Variants in FMN1 observed in about 807,000 individuals in gnomAD.
FMN1 encodes the protein formin 1, also known as formin-1.
A neutral mutation model predicts 132.4 loss-of-function variants in FMN1; 110 were observed. The observed-to-expected ratio is 0.83, with a 90% CI of 0.71 to 0.97. The LOEUF is 0.97. Among genes scored for constraint, FMN1 ranks in the 50% least tolerant of loss-of-function variants. FMN1 has a pLI of 0.00. For missense variants in FMN1, 1,792 were observed against 1,705.3 expected (o/e 1.05, Z -0.90); for synonymous variants, 722 against 651.7 (o/e 1.11, Z -1.64).
intron 15 of FMN1, among the ~76,000 whole-genome samples, chr15:32,890,138 T>C (rs1009423845): frequency 3.6e-5 from 5 of 137,216 alleles, no homozygotes; most frequent in African/African-American, 1.5e-4. Flanking sequence ...TTCGATTGTA[T>C]ATATATATAT....
At position 33,113,894 on chromosome 15, in the gene FMN1, C is replaced by CT. The variant is rs1167359775; in HGVS notation, c.1868-24921dup. On this transcript the variant is annotated intron_variant, in intron 4 of 20. Transcript: ENST00000616417. ...TGACTGGAAACTGCTTCTACTGTTCCTTTAATTAGCCTTAACGATGTTTTC... is the reference window on the plus strand; with the variant it reads ...TGACTGGAAACTGCTTCTACTGTTCCTTTTAATTAGCCTTAACGATGTTTTC... Among the ~76,000 whole-genome samples the CT allele has an allele frequency of 3.3e-5, 5 of 152,298 alleles. No homozygotes were observed. In the East Asian group the frequency reaches 9.6e-4, roughly 29 times the overall value.
rs568603617 is a variant in FMN1, at chr15:32,937,553, T to C, written c.3139-11292A>G. ...TTTCTATTCCACCATCTTGATGACA[T>C]TACCTCCCCCTTTCCCACTTTTAGT... On this transcript the variant is annotated intron_variant, in intron 9 of 20. Coordinates refer to ENST00000616417, the MANE Select transcript of FMN1 (RefSeq NM_001277313.2). Among the ~76,000 whole-genome samples, 8 of 152,350 alleles carry C rather than the reference T, an allele frequency of 5.3e-5. No homozygotes were observed. The South Asian group carries it at 1.7e-3, about 32-fold the overall frequency.
intron 18 of FMN1, among the ~76,000 whole-genome samples, chr15:32,799,973 T>TG (rs1349078129): frequency 6.7e-6 from 1 of 148,972 alleles, no homozygotes; most frequent in East Asian, 1.9e-4. Context: ...GACACAGTGG[T>TG]TTTTTTTTTG....
Position 33,160,684 on chromosome 15 carries a change from C to T in FMN1, c.-131-5639G>A, listed in dbSNP as rs147398928. Among the ~76,000 whole-genome samples the T allele has an allele frequency of 2.0e-3, 306 of 152,250 alleles. 3 individuals are homozygous for T. The highest frequency in any genetic ancestry group is 6.8e-3 in the Middle Eastern group (2 of 294). On this transcript the variant is annotated intron_variant, in intron 3 of 20. Coordinates refer to ENST00000616417, the MANE Select transcript of FMN1 (RefSeq NM_001277313.2). Reference sequence around the variant, plus strand: ...TCATTCTACTTGGACTCAAATGCAGCGGCTCTGCAGAGGCACACACTAAAT... The same window carrying T: ...TCATTCTACTTGGACTCAAATGCAGTGGCTCTGCAGAGGCACACACTAAAT...
At chr15:32,841,583 A>C (rs1337968392) in intron 17 of FMN1, among the ~76,000 whole-genome samples, 3 of 152,208 alleles carry the variant, frequency 2.0e-5, no homozygotes, top group African/African-American at 7.2e-5. Flanking sequence ...CTTTATATTA[A>C]AGTCCTAGGA....
chr15:33,124,997 A>T (rs1364020952), intron 4 of FMN1, among the ~76,000 whole-genome samples: 2 of 152,144 alleles, frequency 1.3e-5, no homozygotes, highest in African/African-American at 4.8e-5. Flanking sequence ...ATATTCCTGG[A>T]ATGTATAAAA....
At chr15:32,855,157 TAAAAAAAAA>T (rs750275479) in intron 17 of FMN1, among the ~76,000 whole-genome samples, 2 of 85,508 alleles carry the variant, frequency 2.3e-5, no homozygotes, top group Admixed American at 1.4e-4. Flanking sequence ...ACGTGGAGAG[TAAAAAAAAA>T]AAAAAAAAAA....
intron 4 of FMN1, among the ~76,000 whole-genome samples, chr15:33,091,611 A>G (rs1400112431): frequency 2.0e-5 from 3 of 152,246 alleles, no homozygotes; most frequent in African/African-American, 7.2e-5. Context: ...CATTATTCTC[A>G]AAAGTCTGAC....
At chr15:32,943,335 T>C (rs750294413) in intron 9 of FMN1, among the ~76,000 whole-genome samples, 9 of 152,206 alleles carry the variant, frequency 5.9e-5, no homozygotes, top group Non-Finnish European at 1.0e-4. Context: ...TTCTAAAAAA[T>C]ACAACTTCTA....
intron 6 of FMN1, chr15:33,012,819 A>T (rs2034806987): frequency 2.6e-5 from 17 of 647,732 alleles, no homozygotes; most frequent in South Asian, 2.2e-4. Context: ...GTGGTGGTGG[A>T]GGATATGGTA....
chr15:32,954,901 A>G (rs984847461), intron 9 of FMN1, among the ~76,000 whole-genome samples: 1 of 152,194 alleles, frequency 6.6e-6, no homozygotes, highest in African/African-American at 2.4e-5. Flanking sequence ...GCTACTCTGG[A>G]GGCTGAGGCA....
At chr15:33,144,515 T>G (rs1396444992) in intron 4 of FMN1, among the ~76,000 whole-genome samples, 3 of 151,468 alleles carry the variant, frequency 2.0e-5, no homozygotes, top group Non-Finnish European at 4.4e-5. Context: ...CAGGTGCCTG[T>G]AGTCCCAGGC....
At chr15:33,061,522 C>T (rs117123175) in intron 6 of FMN1, among the ~76,000 whole-genome samples, 2 of 151,962 alleles carry the variant, frequency 1.3e-5, no homozygotes, top group Non-Finnish European at 2.9e-5. Flanking sequence ...ACACGCTCCT[C>T]GTGAAGTTAC....
intron 17 of FMN1, among the ~76,000 whole-genome samples, chr15:32,810,686 G>A (rs1305453986): frequency 6.6e-6 from 1 of 152,172 alleles, no homozygotes; most frequent in Non-Finnish European, 1.5e-5. Flanking sequence ...TGAAGGAGGA[G>A]GCCACTCTTT....
At chr15:32,801,601 C>T (rs2140991952) in intron 18 of FMN1, among the ~76,000 whole-genome samples, 1 of 151,830 alleles carries the variant, frequency 6.6e-6, no homozygotes, top group Non-Finnish European at 1.5e-5. Context: ...CCCATCTCTA[C>T]TAAAAACAAA....
At chr15:33,005,606 GAATTAA>G (rs771199251) in intron 7 of FMN1, among the ~76,000 whole-genome samples, 3 of 152,106 alleles carry the variant, frequency 2.0e-5, no homozygotes, top group Non-Finnish European at 2.9e-5. Context: ...CACACAGCAA[GAATTAA>G]AAAACTGTAA....
intron 15 of FMN1, among the ~76,000 whole-genome samples, chr15:32,889,220 C>T (rs1443019982): frequency 6.6e-6 from 1 of 152,210 alleles, no homozygotes; most frequent in African/African-American, 2.4e-5. Flanking sequence ...ACTGCTATAG[C>T]TAATGGAGAA....
At chr15:32,832,911 G>T (rs145753274) in intron 17 of FMN1, among the ~76,000 whole-genome samples, 6 of 152,166 alleles carry the variant, frequency 3.9e-5, no homozygotes, top group African/African-American at 1.4e-4. Context: ...ATGTTGTTTT[G>T]TGAGAGGTAG....
In FMN1 at chr15:32,770,520, T is replaced by C. The variant is rs2056197723; in HGVS notation, c.*3790A>G. On this transcript the variant is annotated 3_prime_UTR_variant, in exon 21 of 21. Transcript: ENST00000616417. ...TTAGAAAAACCGTACCAATGACTTA[T>C]CTTACTGGAGGTGTTAATACCACCA... is the stretch of plus-strand genomic sequence containing the variant. The C allele has an allele frequency of 6.6e-6, 1 of 152,264 alleles. No individual in the cohort carries two copies. Among genetic ancestry groups the C allele is most frequent in the African/African-American group, 2.4e-5 (1 of 41,470 alleles). 9.4% of individuals were successfully genotyped at this position (152,264 alleles called of 1,614,324 possible).
Sources: allele counts gnomAD v4.1 joint callset (sites outside exome capture counted in the v4.1 genomes callset), GRCh38; gene constraint gnomAD v4.1.1; transcripts MANE v1.5; gene names NCBI Gene and HGNC (gene_info 2026-07-23, HGNC 2026-07-21).